The following NT5C1A variants were observed in gnomAD, a reference collection of about 807,000 sequenced individuals.
NT5C1A encodes the protein 5'-nucleotidase, cytosolic IA, also known as cytosolic 5'-nucleotidase 1A.
In NT5C1A, 18 loss-of-function variants were observed where a neutral mutation model predicts 31.0. The observed-to-expected ratio is 0.58, with a 90% confidence interval of 0.40 to 0.86. The LOEUF (loss-of-function observed/expected upper bound fraction) is 0.86. Among genes scored for constraint, NT5C1A ranks in the 40% least tolerant of loss-of-function variants. NT5C1A has a pLI of 0.00. For synonymous variants in NT5C1A, 185 were observed against 203.6 expected, an observed-to-expected ratio of 0.91 and a Z score of 0.78; for missense variants, 470 against 505.4, an observed-to-expected ratio of 0.93 and a Z score of 0.67.
rs1646438998 is a variant in NT5C1A, at chr1:39,652,808, C to T, written c.*6313G>A. 6.6e-6 allele frequency among the ~76,000 whole-genome samples: 1 copy of T among 152,014 alleles called. No individual in the cohort carries two copies. The highest frequency in any genetic ancestry group is 1.5e-5 in the Non-Finnish European group (1 of 68,010). On this transcript the variant is annotated 3_prime_UTR_variant, in exon 6 of 6. Coordinates refer to ENST00000235628, the MANE Select transcript of NT5C1A (RefSeq NM_032526.3). ...TAGGGGATGGCCCATCAGGGAGATA[C>T]TTCCCAATTAAGGTCAATGGTAAGT...
chr1:39,665,596 C>T lies in NT5C1A; in HGVS notation c.358G>A (p.Val120Ile), dbSNP rs575345040. ...TTAGTCATGAGGACGATGTCGAAGA[C>T]GTCCTCACTATCAGGGTACAGCTCC... is the stretch of plus-strand genomic sequence containing the variant. ...LRELYPDSED[V>I]FDIVLMTNNH... The change falls in exon 3 of 6, where the codon GTC (valine) becomes ATC (isoleucine). Residue 120 changes from valine (V) to isoleucine (I), a missense_variant. By Grantham distance (29) the Val-to-Ile change is conservative (BLOSUM62 3). Transcript: ENST00000235628. 39 of 1,613,440 alleles carry T rather than the reference C, an allele frequency of 2.4e-5. No homozygotes were observed. The Admixed American group carries it at 3.3e-4, about 14-fold the overall frequency.
chr1:39,670,943 C>G (rs1393998904), intron 1 of NT5C1A, among the ~76,000 whole-genome samples: 1 of 152,134 alleles, frequency 6.6e-6, no homozygotes, highest in East Asian at 1.9e-4. Flanking sequence ...GGCAGGGACT[C>G]AGGTTATTTA....
rs1342765185 is a variant in NT5C1A, at chr1:39,656,913, C to T, written c.*2208G>A. On this transcript the variant is annotated 3_prime_UTR_variant, in exon 6 of 6. Transcript: ENST00000235628. ...CAGGGCTGAGCTCCCTCCTTCACTTCTTTTTTGTTTCCTTGAGGTTGTTCT... is the reference window on the plus strand; with the variant it reads ...CAGGGCTGAGCTCCCTCCTTCACTTTTTTTTTGTTTCCTTGAGGTTGTTCT... Among the ~76,000 whole-genome samples, 2 of 152,214 alleles carry T rather than the reference C, an allele frequency of 1.3e-5. No individual in the cohort carries two copies. The highest frequency in any genetic ancestry group is 2.9e-5 in the Non-Finnish European group (2 of 68,006).
chr1:39,664,492 T>TCCCCTCCCCTCCCCTCC (rs368000387), intron 3 of NT5C1A, among the ~76,000 whole-genome samples: 2 of 606 alleles, frequency 3.3e-3, no homozygotes, highest in African/African-American at 5.6e-3. Flanking sequence ...GGATTTCTCC[T>TCCCCTCCCCTCCCCTCC]CCTCTCCTCT....
chr1:39,671,575 G>C (rs1233715703), intron 1 of NT5C1A, among the ~76,000 whole-genome samples: 1 of 152,222 alleles, frequency 6.6e-6, no homozygotes, highest in African/African-American at 2.4e-5. Context: ...TTCTGGAAGC[G>C]CTGCGGACCA....
rs1646521462 is a variant in NT5C1A, at chr1:39,666,220, G to T, written c.152C>A (p.Ala51Glu). The T allele has an allele frequency of 6.2e-7, 1 of 1,613,380 alleles. No homozygotes were observed. The highest frequency in any genetic ancestry group is 1.3e-5 in the African/African-American group (1 of 74,938). ...TCGGGAGGACACAGCGATGGTGACT[G>T]CATTCTGAGGCTTGGGCTGCAGAGG... ...KKPKSPKPQNAVTIAVSSRAL... is the reference protein window; with the variant it reads ...KKPKSPKPQNEVTIAVSSRAL... Residue 51 changes from alanine (A) to glutamate (E), a missense_variant, in exon 2 of 6, where the codon GCA becomes GAA. Transcript: ENST00000235628.
chr1:39,671,299 C>A (rs900789971), intron 1 of NT5C1A, among the ~76,000 whole-genome samples: 94 of 152,336 alleles, frequency 6.2e-4, no homozygotes, highest in African/African-American at 2.1e-3. Flanking sequence ...AGAACCCGAG[C>A]TGGGGGGCAG....
At chr1:39,671,353 C>T (rs1447502141) in intron 1 of NT5C1A, among the ~76,000 whole-genome samples, 3 of 152,332 alleles carry the variant, frequency 2.0e-5, no homozygotes, top group South Asian at 2.1e-4. Flanking sequence ...CGATCGCCCC[C>T]CAGCGCAGAG....
intron 1 of NT5C1A, among the ~76,000 whole-genome samples, chr1:39,666,814 T>C (rs891254293): frequency 2.0e-5 from 3 of 152,146 alleles, no homozygotes; most frequent in African/African-American, 7.2e-5. Flanking sequence ...CTGTAACTCA[T>C]AGCAAGGCTT....
intron 3 of NT5C1A, 130 bp from the exon 4 acceptor site, chr1:39,663,564 T>A: frequency 1.1e-6 from 1 of 874,978 alleles, no homozygotes; most frequent in Non-Finnish European, 1.8e-6. Flanking sequence ...TCAGTGTAAT[T>A]TTAGGCCAGT....
chr1:39,651,408 G>C lies in NT5C1A; in HGVS notation c.*7713C>G, dbSNP rs1389541280. 6.6e-6 allele frequency among the ~76,000 whole-genome samples: 1 copy of C among 152,148 alleles called. No individual in the cohort carries two copies. The highest frequency in any genetic ancestry group is 1.5e-5 in the Non-Finnish European group (1 of 68,026). ...GAGCCAGACAGGTCTGGATCGATGGGGTGTGCTACTAGTAGGCCAAAGAGG... is the reference window on the plus strand; with the variant it reads ...GAGCCAGACAGGTCTGGATCGATGGCGTGTGCTACTAGTAGGCCAAAGAGG... On this transcript the variant is annotated 3_prime_UTR_variant, in exon 6 of 6. Coordinates refer to ENST00000235628, the MANE Select transcript of NT5C1A (RefSeq NM_032526.3).
rs566827941 is a variant in NT5C1A, at chr1:39,657,449, C to T, written c.*1672G>A. Among the ~76,000 whole-genome samples the T allele has an allele frequency of 2.0e-5, 3 of 152,320 alleles. No individual in the cohort carries two copies. In the South Asian group the frequency reaches 6.2e-4, roughly 32 times the overall value. ...ACCACCACATCTCCAGGCTTCTGCC[C>T]CTCTCATGATACTTTTGGTTTTCTT... On this transcript the variant is annotated 3_prime_UTR_variant, in exon 6 of 6. Coordinates refer to ENST00000235628, the MANE Select transcript of NT5C1A (RefSeq NM_032526.3).
chr1:39,659,507 CATT>C (rs762860300), intron 5 of NT5C1A, 21 bp from the exon 6 acceptor site: 19 of 1,535,284 alleles, frequency 1.2e-5, no homozygotes, highest in Non-Finnish European at 1.7e-5. Flanking sequence ...GCAAGGGGAA[CATT>C]GTTAGCTCTA....
rs917294213 is a variant in NT5C1A at position 39,656,126 on chromosome 1, T to G, written c.*2995A>C. On this transcript the variant is annotated 3_prime_UTR_variant, in exon 6 of 6. Coordinates refer to ENST00000235628, the MANE Select transcript of NT5C1A (RefSeq NM_032526.3). ...AGTCCCATTGGCTCTGGGATTTTGC[T>G]GGCAGGCATCTCCTGGAACCAGTGT... Among the ~76,000 whole-genome samples the G allele has an allele frequency of 6.6e-6, 1 of 152,230 alleles. No homozygotes were observed. Among genetic ancestry groups the G allele is most frequent in the Admixed American group, 6.5e-5 (1 of 15,288 alleles).
In NT5C1A at chr1:39,659,049, A is replaced by T; in HGVS notation, c.*72T>A. The T allele has an allele frequency of 2.0e-6, 3 of 1,506,844 alleles. No homozygotes were observed. The highest frequency in any genetic ancestry group is 2.7e-6 in the Non-Finnish European group (3 of 1,127,542). 93.3% of individuals were successfully genotyped at this position (1,506,844 alleles called of 1,614,324 possible). On this transcript the variant is annotated 3_prime_UTR_variant, in exon 6 of 6. Coordinates refer to ENST00000235628, the MANE Select transcript of NT5C1A (RefSeq NM_032526.3). ...GACAGAACAGTGAGAAACTAGAGGG[A>T]TCTACCAGAGGAGGTGTCGAAGTAT... is the stretch of plus-strand genomic sequence containing the variant.
intron 5 of NT5C1A, among the ~76,000 whole-genome samples, chr1:39,660,276 C>T (rs968150037): frequency 6.6e-6 from 1 of 152,168 alleles, no homozygotes; most frequent in African/African-American, 2.4e-5. Flanking sequence ...ACAGCGGAAG[C>T]CTGCTGAGCT....
Position 39,658,511 on chromosome 1 carries a change from T to C in NT5C1A, c.*610A>G, listed in dbSNP as rs2124147984. Among the ~76,000 whole-genome samples, 1 of 152,344 alleles carries C rather than the reference T, an allele frequency of 6.6e-6. No individual in the cohort carries two copies. The highest frequency in any genetic ancestry group is 1.9e-4 in the East Asian group (1 of 5,190). ...CTGGGTCAGGCCAGAGGAAGGGATG[T>C]CTTTTTGTTCTTCATTCACCTAGAC... is the stretch of plus-strand genomic sequence containing the variant. On this transcript the variant is annotated 3_prime_UTR_variant, in exon 6 of 6. Transcript: ENST00000235628.
chr1:39,669,440 C>T (rs1646539053), intron 1 of NT5C1A, among the ~76,000 whole-genome samples: 1 of 152,296 alleles, frequency 6.6e-6, no homozygotes, highest in Non-Finnish European at 1.5e-5. Flanking sequence ...TGAGGGCCTC[C>T]AACAGGCCTT....
At chr1:39,667,472 G>T (rs891813622) in intron 1 of NT5C1A, among the ~76,000 whole-genome samples, 2 of 152,126 alleles carry the variant, frequency 1.3e-5, no homozygotes, top group Non-Finnish European at 2.9e-5. Flanking sequence ...CAGTCCTGGG[G>T]TCCTGATTCC....
Sources: allele counts gnomAD v4.1 joint callset (sites outside exome capture counted in the v4.1 genomes callset), GRCh38; gene constraint gnomAD v4.1.1; transcripts MANE v1.5; gene names NCBI Gene and HGNC (gene_info 2026-07-23, HGNC 2026-07-21).